The following PLXNA4 variants were observed in gnomAD, a reference collection of about 807,000 sequenced individuals.
PLXNA4 encodes the protein plexin-A4.
PLXNA4 carries 44 observed loss-of-function variants against 191.8 expected under a neutral mutation model. The ratio of observed to expected loss-of-function variants is 0.23; its 90% CI spans 0.18 to 0.29. PLXNA4 has a LOEUF of 0.29. Among genes scored for constraint, PLXNA4 ranks in the 10% least tolerant of loss-of-function variants. The pLI, the probability that PLXNA4 is intolerant of heterozygous loss-of-function variation, is 1.00. For synonymous variants in PLXNA4, 1,082 were observed against 1,009.5 expected (o/e 1.07, Z -1.36); for missense variants, 1,800 against 2,488.8 (o/e 0.72, Z 5.89).
At chr7:132,516,016 C>T (rs143764629) in intron 1 of PLXNA4, among the ~76,000 whole-genome samples, 7 of 152,092 alleles carry the variant, frequency 4.6e-5, no homozygotes, top group East Asian at 1.9e-4. Flanking sequence ...TTTGGAAACA[C>T]GTGAATGAAT....
In PLXNA4 at chr7:132,132,483, C is replaced by CTT. The variant is rs1563048449; in HGVS notation, c.5589+565_5589+566insAA. Among the ~76,000 whole-genome samples, 422 of 80,656 alleles carry CTT rather than the reference C, an allele frequency of 5.2e-3. 7 individuals are homozygous for CTT. The highest frequency in any genetic ancestry group is 7.6e-3 in the African/African-American group (167 of 22,048). 52.9% of individuals were successfully genotyped at this position (80,656 alleles called of 152,430 possible). On this transcript the variant is annotated intron_variant, in intron 31 of 31. Coordinates refer to ENST00000321063, the MANE Select transcript of PLXNA4 (RefSeq NM_020911.2). ...TTCTGTTCTGCTCTGCTCTGCTCTGCTCTGCTCTATTCTTTTCTATTCTAT... is the reference window on the plus strand; with the variant it reads ...TTCTGTTCTGCTCTGCTCTGCTCTGCTTTCTGCTCTATTCTTTTCTATTCTAT...
chr7:132,270,266 C>T (rs539848978), intron 4 of PLXNA4, among the ~76,000 whole-genome samples: 32 of 152,146 alleles, frequency 2.1e-4, no homozygotes, highest in African/African-American at 6.3e-4. Context: ...ATATATACCG[C>T]GGGAATAGTT....
chr7:132,452,429 A>G (rs1221829765), intron 3 of PLXNA4, among the ~76,000 whole-genome samples: 1 of 152,226 alleles, frequency 6.6e-6, no homozygotes, highest in Non-Finnish European at 1.5e-5. Flanking sequence ...AAGGCCAGGA[A>G]AAGAAGAAGT....
intron 4 of PLXNA4, among the ~76,000 whole-genome samples, chr7:132,289,673 C>A (rs566521046): frequency 7.8e-4 from 118 of 152,116 alleles, no homozygotes; most frequent in African/African-American, 2.8e-3. Context: ...GCTGGGACTA[C>A]AGGTGCACAC....
chr7:132,163,472 C>T (rs1796009313), intron 24 of PLXNA4, among the ~76,000 whole-genome samples: 1 of 152,154 alleles, frequency 6.6e-6, no homozygotes, highest in South Asian at 2.1e-4. Flanking sequence ...AGGAACCTGC[C>T]CCAATTCACC....
At chr7:132,205,232 T>C (rs1165738579) in intron 10 of PLXNA4, among the ~76,000 whole-genome samples, 1 of 152,158 alleles carries the variant, frequency 6.6e-6, no homozygotes, top group Non-Finnish European at 1.5e-5. Context: ...TCTTCCACTT[T>C]AGACTGGTGG....
At chr7:132,527,012 A>C (rs1799425900) in intron 1 of PLXNA4, among the ~76,000 whole-genome samples, 1 of 152,120 alleles carries the variant, frequency 6.6e-6, no homozygotes, top group Non-Finnish European at 1.5e-5. Flanking sequence ...GTCTCTATTT[A>C]TTTCACTTTT....
At chr7:132,137,921 G>T (rs1795160723) in intron 30 of PLXNA4, among the ~76,000 whole-genome samples, 1 of 151,392 alleles carries the variant, frequency 6.6e-6, no homozygotes, top group Non-Finnish European at 1.5e-5. Flanking sequence ...GTATGAGGAT[G>T]GTGGAAGGAT....
intron 1 of PLXNA4, among the ~76,000 whole-genome samples, chr7:132,536,767 C>A (rs1799851917): frequency 1.3e-5 from 2 of 152,208 alleles, no homozygotes; most frequent in Admixed American, 1.3e-4. Flanking sequence ...CATACACCAC[C>A]CCTAAGCGAG....
intron 9 of PLXNA4, among the ~76,000 whole-genome samples, chr7:132,222,803 A>C (rs1238538624): frequency 2.0e-5 from 3 of 152,242 alleles, no homozygotes; most frequent in Non-Finnish European, 4.4e-5. Context: ...ATGAGTGTTC[A>C]AGAAGAATAA....
intron 25 of PLXNA4, among the ~76,000 whole-genome samples, chr7:132,155,649 C>A (rs1287113632): frequency 1.3e-5 from 2 of 152,168 alleles, no homozygotes; most frequent in African/African-American, 4.8e-5. Flanking sequence ...TACCTGGGCA[C>A]TGTGCCTTAG....
chr7:132,273,340 A>G (rs4134149), intron 4 of PLXNA4, among the ~76,000 whole-genome samples: 2 of 150,430 alleles, frequency 1.3e-5, no homozygotes, highest in Non-Finnish European at 2.9e-5. Flanking sequence ...ACACACACAC[A>G]CGCACACACA....
intron 3 of PLXNA4, among the ~76,000 whole-genome samples, chr7:132,312,731 A>C (rs2116590964): frequency 6.6e-6 from 1 of 152,282 alleles, no homozygotes; most frequent in East Asian, 1.9e-4. Context: ...CAATTTCTCT[A>C]ACCCCTGGTT....
At chr7:132,200,818 T>G (rs1161793084) in intron 12 of PLXNA4, among the ~76,000 whole-genome samples, 1 of 152,192 alleles carries the variant, frequency 6.6e-6, no homozygotes, top group Non-Finnish European at 1.5e-5. Context: ...ACTCAGGAGA[T>G]CTGGGATTCA....
chr7:132,557,331 T>C (rs1006011874), intron 1 of PLXNA4, among the ~76,000 whole-genome samples: 2 of 152,110 alleles, frequency 1.3e-5, no homozygotes, highest in African/African-American at 4.8e-5. Flanking sequence ...TCCCATCCCC[T>C]GCAAAGGCTC....
intron 1 of PLXNA4, among the ~76,000 whole-genome samples, chr7:132,548,659 T>C (rs1820464): frequency 0.027 from 4,049 of 152,278 alleles, 83 homozygotes; most frequent in South Asian, 0.05. Flanking sequence ...CAGAGTAAAA[T>C]ATACCCTGTC....
chr7:132,266,879 G>GATTA (rs1248506951), intron 4 of PLXNA4, among the ~76,000 whole-genome samples: 1 of 152,206 alleles, frequency 6.6e-6, no homozygotes, highest in Non-Finnish European at 1.5e-5. Context: ...GCTTCAAAGG[G>GATTA]ATTAATCTTG....
intron 2 of PLXNA4, among the ~76,000 whole-genome samples, chr7:132,633,545 T>C (rs919485686): frequency 2.0e-5 from 3 of 152,158 alleles, no homozygotes; most frequent in African/African-American, 7.2e-5. Flanking sequence ...CCTTCCAAAG[T>C]GCTGGGATTA....
At chr7:132,626,131 A>T (rs1366890959) in intron 2 of PLXNA4, among the ~76,000 whole-genome samples, 1 of 151,906 alleles carries the variant, frequency 6.6e-6, no homozygotes, top group Admixed American at 6.6e-5. Flanking sequence ...CCTTCCCTTC[A>T]CTCACCACCA....
Sources: gnomAD v4.1 joint callset for allele counts (sites outside exome capture counted in the v4.1 genomes callset) on GRCh38, gnomAD v4.1.1 for gene constraint, MANE v1.5 for transcripts, NCBI Gene and HGNC (gene_info 2026-07-23, HGNC 2026-07-21) for gene names.